Variants in IL1RAPL1 observed in about 807,000 individuals in gnomAD.
The protein encoded by IL1RAPL1 is interleukin-1 receptor accessory protein-like 1.
A neutral mutation model predicts 48.4 loss-of-function variants in IL1RAPL1; 3 were observed. That is an observed-to-expected ratio of 0.06 (90% CI 0.03 to 0.16). The LOEUF is 0.16. IL1RAPL1 is among the 10% of genes least tolerant of loss of function. The probability of loss-of-function intolerance (pLI) is 1.00; values close to 1 mark genes in which losing one functional copy is unlikely to be tolerated. For synonymous variants in IL1RAPL1, 185 were observed against 187.7 expected, an observed-to-expected ratio of 0.99 and a Z score of 0.12; for missense variants, 349 against 530.6, an observed-to-expected ratio of 0.66 and a Z score of 3.36.
intron 5 of IL1RAPL1, among the ~76,000 whole-genome samples, chrX:29,469,375 T>G (rs1003950876): frequency 1.8e-5 from 2 of 112,046 alleles, no homozygotes. Flanking sequence ...CAATGCACCA[T>G]CCATATTAAG....
intron 6 of IL1RAPL1, among the ~76,000 whole-genome samples, chrX:29,794,617 A>C (rs760484893): frequency 1.8e-5 from 2 of 112,040 alleles, no homozygotes; most frequent in Non-Finnish European, 3.8e-5. Context: ...CTCAGTCTCA[A>C]TCTGTAGGAA....
At chrX:28,606,485 T>C (rs1376861743) in intron 1 of IL1RAPL1, among the ~76,000 whole-genome samples, 1 of 112,286 alleles carries the variant, frequency 8.9e-6, no homozygotes, top group African/African-American at 3.2e-5. Context: ...GCATATCTTA[T>C]TGTTTCATGC....
chrX:28,855,280 A>T (rs986459998), intron 2 of IL1RAPL1, among the ~76,000 whole-genome samples: 1 of 111,080 alleles, frequency 9.0e-6, no homozygotes, highest in Non-Finnish European at 1.9e-5. Flanking sequence ...TAGCCTCCCA[A>T]AGTGCCAAGA....
chrX:29,568,018 C>A (rs1922463792), intron 5 of IL1RAPL1, among the ~76,000 whole-genome samples: 1 of 109,509 alleles, frequency 9.1e-6, no homozygotes, highest in Non-Finnish European at 1.9e-5. Flanking sequence ...TTTCAGATTA[C>A]TAAAGGAAAT....
At chrX:29,847,203 T>G (rs1454099929) in intron 6 of IL1RAPL1, among the ~76,000 whole-genome samples, 3 of 111,950 alleles carry the variant, frequency 2.7e-5, no homozygotes, top group Admixed American at 1.9e-4. Flanking sequence ...ATGGTCAATG[T>G]TTTTTGTAGC....
chrX:28,883,611 C>G (rs1049114415), intron 2 of IL1RAPL1, among the ~76,000 whole-genome samples: 9 of 111,699 alleles, frequency 8.1e-5, no homozygotes, highest in Non-Finnish European at 1.7e-4. Flanking sequence ...TAGAAACTTT[C>G]AAACCAACTT....
intron 1 of IL1RAPL1, among the ~76,000 whole-genome samples, chrX:28,695,052 G>A (rs1239785554): frequency 9.0e-6 from 1 of 111,420 alleles, no homozygotes. Flanking sequence ...CCAGTCTTCA[G>A]CTCTGCAGGT....
chrX:28,727,846 C>T (rs1187073898), intron 1 of IL1RAPL1, among the ~76,000 whole-genome samples: 1 of 109,798 alleles, frequency 9.1e-6, no homozygotes, highest in Non-Finnish European at 1.9e-5. Flanking sequence ...CGCATATTCT[C>T]ACTCATAGGT....
chrX:28,779,630 GTGTGTATATATATATATATATATA>G (rs1435407950), intron 1 of IL1RAPL1, among the ~76,000 whole-genome samples: 16 of 61,141 alleles, frequency 2.6e-4, no homozygotes, highest in African/African-American at 7.3e-4. Flanking sequence ...GTGTGTGTGT[GTGTGTATATATATATATATATATA>G]TATATATATA....
chrX:28,812,182 C>T (rs771978074), intron 2 of IL1RAPL1, among the ~76,000 whole-genome samples: 1 of 110,320 alleles, frequency 9.1e-6, no homozygotes, highest in Non-Finnish European at 1.9e-5. Context: ...TTCTATGTGC[C>T]TTTATTAGTT....
At chrX:29,586,699 C>G (rs5927864) in intron 5 of IL1RAPL1, among the ~76,000 whole-genome samples, 1 of 109,866 alleles carries the variant, frequency 9.1e-6, no homozygotes, top group Non-Finnish European at 1.9e-5. Context: ...TTGTGCCTTG[C>G]TTATTTTTTT....
intron 8 of IL1RAPL1, among the ~76,000 whole-genome samples, chrX:29,934,098 T>G (rs189036972): frequency 9.0e-6 from 1 of 111,204 alleles, no homozygotes. Flanking sequence ...AAAATCACGT[T>G]TAGTTGGAAA....
At chrX:28,724,201 G>T (rs2146942075) in intron 1 of IL1RAPL1, among the ~76,000 whole-genome samples, 1 of 111,347 alleles carries the variant, frequency 9.0e-6, no homozygotes, top group East Asian at 2.8e-4. Context: ...CAGCGTTAAA[G>T]TCACCCATTA....
At chrX:29,932,361 A>T (rs1394243834) in intron 8 of IL1RAPL1, among the ~76,000 whole-genome samples, 2 of 112,564 alleles carry the variant, frequency 1.8e-5, no homozygotes, top group African/African-American at 6.5e-5. Flanking sequence ...TCATTGTCCT[A>T]TTGTACTGAC....
chrX:28,761,165 G>C (rs77533831), intron 1 of IL1RAPL1, among the ~76,000 whole-genome samples: 1 of 110,698 alleles, frequency 9.0e-6, no homozygotes, highest in Non-Finnish European at 1.9e-5. Flanking sequence ...CTGTTGGTGG[G>C]AGTGTAAATT....
chrX:29,018,942 G>A (rs980043404), intron 2 of IL1RAPL1, among the ~76,000 whole-genome samples: 16 of 111,643 alleles, frequency 1.4e-4, no homozygotes, highest in Non-Finnish European at 2.8e-4. Context: ...GGACATACCC[G>A]AGATTGGGTA....
chrX:28,925,315 T>G (rs1923713752), intron 2 of IL1RAPL1, among the ~76,000 whole-genome samples: 1 of 111,920 alleles, frequency 8.9e-6, no homozygotes, highest in Non-Finnish European at 1.9e-5. Flanking sequence ...TAAGTATGTA[T>G]TTTAGTTTGA....
chrX:29,757,379 G>A (rs1928644159), intron 6 of IL1RAPL1, among the ~76,000 whole-genome samples: 1 of 111,518 alleles, frequency 9.0e-6, no homozygotes, highest in South Asian at 3.7e-4. Context: ...AAACTAATGG[G>A]AAGTGCTAAG....
chrX:28,669,629 T>G (rs966572142), intron 1 of IL1RAPL1, among the ~76,000 whole-genome samples: 1 of 98,999 alleles, frequency 1.0e-5, no homozygotes, highest in Non-Finnish European at 2.0e-5. Context: ...CAAAAAATAT[T>G]ATATATATAT....
Sources: gnomAD v4.1 joint callset for allele counts (sites outside exome capture counted in the v4.1 genomes callset) on GRCh38, gnomAD v4.1.1 for gene constraint, MANE v1.5 for transcripts, NCBI Gene and HGNC (gene_info 2026-07-23, HGNC 2026-07-21) for gene names.